Variants in NKIRAS1 observed in about 807,000 individuals in gnomAD.
NKIRAS1 encodes the protein NF-kappa-B inhibitor-interacting Ras-like protein 1.
NKIRAS1 carries 16 observed loss-of-function variants against 19.8 expected under a neutral mutation model. The ratio of observed to expected loss-of-function variants is 0.81; its 90% CI spans 0.55 to 1.23. NKIRAS1 has a LOEUF of 1.23. NKIRAS1 is among the 50% of genes most tolerant of loss of function. The probability of loss-of-function intolerance (pLI) is 0.00; values close to 1 mark genes in which losing one functional copy is unlikely to be tolerated. For missense variants in NKIRAS1, 184 were observed against 220.0 expected (o/e 0.84, Z 1.04); for synonymous variants, 88 against 79.0 (o/e 1.11, Z -0.61).
chr3:23,906,158 CAA>C (rs377092022), intron 3 of NKIRAS1, among the ~76,000 whole-genome samples: 1 of 98,830 alleles, frequency 1.0e-5, no homozygotes, highest in Non-Finnish European at 1.9e-5. Context: ...GACTCCGTCT[CAA>C]AAAAAAAAAA....
chr3:23,946,050 C>G (rs1270267719), intron 1 of NKIRAS1: 1 of 965,340 alleles, frequency 1.0e-6, no homozygotes, highest in African/African-American at 1.8e-5. Context: ...CGCGCGCTGG[C>G]TGGGAGCGCC....
intron 1 of NKIRAS1, among the ~76,000 whole-genome samples, chr3:23,929,009 AAAAAGAAAAG>A (rs71057638): frequency 1.2e-4 from 18 of 145,652 alleles, no homozygotes; most frequent in East Asian, 1.2e-3. Flanking sequence ...TAAAAAAAAA[AAAAAGAAAAG>A]AAAAGAAAAG....
chr3:23,925,413 T>C (rs1209469590), intron 1 of NKIRAS1, among the ~76,000 whole-genome samples: 1 of 152,100 alleles, frequency 6.6e-6, no homozygotes, highest in Non-Finnish European at 1.5e-5. Context: ...GCAGGCGGAT[T>C]GCTTGAGCTC....
chr3:23,917,683 C>G (rs560830084), upstream of NKIRAS1: 4 of 646,790 alleles, frequency 6.2e-6, no homozygotes, highest in Non-Finnish European at 1.0e-5. Flanking sequence ...AACGCGGCTC[C>G]GTGGGCGCAG....
intron 3 of NKIRAS1, among the ~76,000 whole-genome samples, chr3:23,907,431 A>G (rs1333511423): frequency 1.3e-5 from 2 of 152,190 alleles, no homozygotes; most frequent in Admixed American, 1.3e-4. Context: ...TGAAGGGTCA[A>G]TTGTACTGTA....
At chr3:23,910,132 C>T (rs1052875500) in intron 3 of NKIRAS1, among the ~76,000 whole-genome samples, 2 of 146,812 alleles carry the variant, frequency 1.4e-5, no homozygotes, top group African/African-American at 5.1e-5. Flanking sequence ...GTTTGGATTA[C>T]TGGTGTGAGC....
chr3:23,924,885 C>T (rs1045603563), intron 1 of NKIRAS1, among the ~76,000 whole-genome samples: 1 of 152,180 alleles, frequency 6.6e-6, no homozygotes, highest in Non-Finnish European at 1.5e-5. Flanking sequence ...CTCCAAATTT[C>T]AGTGGCTTAA....
intron 1 of NKIRAS1, chr3:23,945,701 G>C: frequency 1.4e-6 from 1 of 712,504 alleles, no homozygotes; most frequent in Non-Finnish European, 1.9e-6. Flanking sequence ...CCGGTGGGGC[G>C]GGGTGGGCTG....
Position 23,892,441 on chromosome 3 carries a change from C to T in NKIRAS1, c.*654G>A, listed in dbSNP as rs1428292517. 1 of 152,170 alleles carries T rather than the reference C, an allele frequency of 6.6e-6. No individual in the cohort carries two copies. The highest frequency in any genetic ancestry group is 1.9e-4 in the East Asian group (1 of 5,206). 9.4% of individuals were successfully genotyped at this position (152,170 alleles called of 1,614,324 possible). On this transcript the variant is annotated 3_prime_UTR_variant, in exon 5 of 5. Transcript: ENST00000425478. ...GTTTGCCCTCAAGTATCTGGTCTAT[C>T]AACAGGGGTCTGGCTAAGGAAAAAA...
intron 1 of NKIRAS1, among the ~76,000 whole-genome samples, chr3:23,928,095 A>G (rs1157560075): frequency 5.7e-5 from 5 of 87,600 alleles, no homozygotes; most frequent in Admixed American, 2.6e-4. Context: ...CTCTCTCTCT[A>G]CACACCACAC....
upstream of NKIRAS1, chr3:23,918,837 C>T (rs1704879527): frequency 3.8e-6 from 2 of 531,774 alleles, no homozygotes; most frequent in Non-Finnish European, 6.6e-6. Flanking sequence ...GTGGCCTGCA[C>T]AGCCTAAAAT....
At chr3:23,919,033 C>G (rs1016148228), upstream of NKIRAS1, 4 of 616,122 alleles carry the variant, frequency 6.5e-6, no homozygotes, top group Middle Eastern at 2.7e-4. Context: ...TCTACATTAT[C>G]TCATTACACT....
intron 1 of NKIRAS1, among the ~76,000 whole-genome samples, chr3:23,945,099 G>A (rs950969916): frequency 6.6e-6 from 1 of 151,464 alleles, no homozygotes; most frequent in African/African-American, 2.4e-5. Context: ...AACGAAGGAA[G>A]AGGAGGGGCT....
intron 1 of NKIRAS1, among the ~76,000 whole-genome samples, chr3:23,931,291 T>G (rs920367518): frequency 3.3e-5 from 5 of 152,200 alleles, no homozygotes; most frequent in African/African-American, 1.2e-4. Context: ...TCTTTACTTT[T>G]GCTTCTGCAG....
chr3:23,941,030 G>T (rs866882071), intron 1 of NKIRAS1, among the ~76,000 whole-genome samples: 18 of 152,196 alleles, frequency 1.2e-4, no homozygotes, highest in African/African-American at 3.9e-4. Flanking sequence ...GTACTTTGTG[G>T]TCTTCAACAA....
chr3:23,912,111 A>G (rs1473019585), intron 1 of NKIRAS1, among the ~76,000 whole-genome samples: 1 of 152,198 alleles, frequency 6.6e-6, no homozygotes, highest in African/African-American at 2.4e-5. Context: ...AAGAATAGAC[A>G]ACTCTAGAAA....
intron 3 of NKIRAS1, among the ~76,000 whole-genome samples, chr3:23,905,732 A>G (rs979784470): frequency 6.6e-6 from 1 of 151,456 alleles, no homozygotes; most frequent in African/African-American, 2.4e-5. Flanking sequence ...GGCCATCATC[A>G]CTGGATGTTC....
intron 3 of NKIRAS1, among the ~76,000 whole-genome samples, chr3:23,906,326 T>C (rs1703060055): frequency 6.6e-6 from 1 of 152,218 alleles, no homozygotes; most frequent in South Asian, 2.1e-4. Context: ...ATCTGGACTA[T>C]GTGGAAAGAA....
intron 1 of NKIRAS1, among the ~76,000 whole-genome samples, chr3:23,930,494 T>C (rs1382547984): frequency 2.0e-5 from 3 of 151,306 alleles, no homozygotes; most frequent in Non-Finnish European, 4.4e-5. Context: ...ATCTACACTA[T>C]ACAAACAGTT....
Sources: gnomAD v4.1 joint callset for allele counts (sites outside exome capture counted in the v4.1 genomes callset) on GRCh38, gnomAD v4.1.1 for gene constraint, MANE v1.5 for transcripts, NCBI Gene and HGNC (gene_info 2026-07-23, HGNC 2026-07-21) for gene names.